The following TENT4A variants were observed in gnomAD, a reference collection of about 807,000 sequenced individuals.
TENT4A encodes DNA polymerase kappa.
Under a neutral mutation model 72.8 loss-of-function variants are expected in TENT4A, and 7 were observed. The observed-to-expected ratio is 0.10, with a 90% CI of 0.05 to 0.18. The LOEUF (loss-of-function observed/expected upper bound fraction) is 0.18. Among genes scored for constraint, TENT4A ranks in the 10% least tolerant of loss-of-function variants. TENT4A has a pLI of 1.00. For synonymous variants in TENT4A, 456 were observed against 434.3 expected (o/e 1.05, Z -0.62); for missense variants, 831 against 1,017.7 (o/e 0.82, Z 2.50).
chr5:6,714,388 C>T lies in TENT4A; in HGVS notation c.405C>T (p.Ser135=). The T allele has an allele frequency of 1.8e-6, 2 of 1,133,558 alleles. No individual in the cohort carries two copies. The highest frequency in any genetic ancestry group is 4.5e-5 in the East Asian group (1 of 22,130). 70.2% of individuals were successfully genotyped at this position (1,133,558 alleles called of 1,614,324 possible). ...GCTGCTCGTCGTCGTCCTCCAGCAG[C>T]GCCTCGCTGGGCCGGCCGGGCGGCG... is the stretch of plus-strand genomic sequence containing the variant. ...SPGCSSSSSS[S]ASLGRPGGGR... is the part of the protein sequence containing the mutation. The change falls in exon 1 of 13, where the codon AGC becomes AGT. Residue 135 remains serine, a synonymous_variant. Transcript: ENST00000230859.
chr5:6,723,047 C>G (rs538801192), intron 1 of TENT4A, among the ~76,000 whole-genome samples: 3 of 131,122 alleles, frequency 2.3e-5, no homozygotes, highest in African/African-American at 8.1e-5. Context: ...ACTTTAGGCT[C>G]TATTTGAAAC....
chr5:6,753,505 A>G (rs938628420), intron 12 of TENT4A, among the ~76,000 whole-genome samples: 3 of 152,254 alleles, frequency 2.0e-5, no homozygotes, highest in Middle Eastern at 3.2e-3. Context: ...GCTGGGCCTC[A>G]GCAGGGCCCT....
At chr5:6,751,431 C>T (rs1270895600) in intron 11 of TENT4A, 6 of 487,732 alleles carry the variant, frequency 1.2e-5, no homozygotes, top group African/African-American at 1.9e-5. Flanking sequence ...TGGCTTTTCA[C>T]GGGGGCCAGG....
At chr5:6,741,095 C>T (rs1741780549) in intron 4 of TENT4A, among the ~76,000 whole-genome samples, 1 of 152,194 alleles carries the variant, frequency 6.6e-6, no homozygotes, top group Non-Finnish European at 1.5e-5. Flanking sequence ...GCGCGGCTGT[C>T]CTGAGGCCAC....
At chr5:6,716,076 G>A (rs1261125394) in intron 1 of TENT4A, among the ~76,000 whole-genome samples, 1 of 152,118 alleles carries the variant, frequency 6.6e-6, no homozygotes, top group African/African-American at 2.4e-5. Flanking sequence ...GAAGACACGT[G>A]GTCTCTGCCA....
rs1055820267 is a variant in TENT4A at position 6,748,598 on chromosome 5, G to A, written c.1586+8G>A. On this transcript the variant is annotated splice_region_variant and intron_variant, in intron 8 of 12. Transcript: ENST00000230859. Reference sequence around the variant, plus strand: ...AAACAGAGACGCCGAAAGGTAATGGGTTGTGTGTCTGCGTCTGGGCTCAGC... The same window carrying A: ...AAACAGAGACGCCGAAAGGTAATGGATTGTGTGTCTGCGTCTGGGCTCAGC... 6.2e-7 allele frequency: 1 copy of A among 1,607,510 alleles called. No individual in the cohort carries two copies. The highest frequency in any genetic ancestry group is 1.7e-5 in the Admixed American group (1 of 59,898).
At position 6,738,702 on chromosome 5, in the gene TENT4A, T is replaced by A. The variant is rs1741636355; in HGVS notation, c.860T>A (p.Phe287Tyr). The A allele has an allele frequency of 6.2e-7, 1 of 1,613,400 alleles. No individual in the cohort carries two copies. The highest frequency in any genetic ancestry group is 1.3e-5 in the African/African-American group (1 of 74,892). The change falls in exon 3 of 13, where the codon TTT becomes TAT. Residue 287 changes from phenylalanine (F) to tyrosine (Y), a missense_variant. Transcript: ENST00000230859. ...PTADVQIFGS[F>Y]STGLYLPTSD... ...TTTCAGGTACAGATATTTGGCAGCT[T>A]TAGTACAGGTCTTTATCTTCCAACT...
chr5:6,726,879 G>C (rs1356174887), intron 1 of TENT4A, among the ~76,000 whole-genome samples: 1 of 152,110 alleles, frequency 6.6e-6, no homozygotes, highest in African/African-American at 2.4e-5. Flanking sequence ...CGGCCTTAGC[G>C]TGGCGGGGGG....
Position 6,753,054 on chromosome 5 carries a change from G to T in TENT4A, c.2184+17G>T. 3.1e-6 allele frequency: 5 copies of T among 1,590,490 alleles called. No homozygotes were observed. The highest frequency in any genetic ancestry group is 4.3e-6 in the Non-Finnish European group (5 of 1,162,772). On this transcript the variant is annotated intron_variant, in intron 12 of 12. Coordinates refer to ENST00000230859, the MANE Select transcript of TENT4A (RefSeq NM_006999.6). The stretch of plus-strand genomic sequence containing the variant: ...TATCATAAGGTATAGCTCTGTCCTG[G>T]TGCATTCACCTACCTGTTCAAGCTG...
At chr5:6,733,582 T>G (rs1355995992) in intron 1 of TENT4A, among the ~76,000 whole-genome samples, 1 of 152,260 alleles carries the variant, frequency 6.6e-6, no homozygotes, top group East Asian at 1.9e-4. Context: ...TAGTGTGGTT[T>G]TTATGCAGAC....
chr5:6,750,333 A>G lies in TENT4A; in HGVS notation c.1690A>G (p.Ser564Gly), dbSNP rs373790135. The G allele has an allele frequency of 6.2e-6, 10 of 1,609,192 alleles. No homozygotes were observed. Among genetic ancestry groups the G allele is most frequent in the Non-Finnish European group, 8.5e-6 (10 of 1,177,948 alleles). The change falls in exon 10 of 13, where the codon AGC (serine) becomes GGC (glycine). Residue 564 changes from serine to glycine, a missense_variant and splice_region_variant. By Grantham distance (56) the Ser-to-Gly change is moderately conservative (BLOSUM62 0). Transcript: ENST00000230859. ...ACCAAGGCTTTTTCCCTCCACAGAC[A>G]GCAGGATCAAGATCAAAGAGCGAAT... ...SKAHPSPGMDSRIKIKERIAT... is the reference protein window; with the variant it reads ...SKAHPSPGMDGRIKIKERIAT...
chr5:6,724,879 G>C (rs940026731), intron 1 of TENT4A, among the ~76,000 whole-genome samples: 1 of 152,186 alleles, frequency 6.6e-6, no homozygotes, highest in African/African-American at 2.4e-5. Context: ...TCCTGGGAGA[G>C]GCTGTTCTCG....
At chr5:6,719,550 T>G (rs1308988414) in intron 1 of TENT4A, among the ~76,000 whole-genome samples, 2 of 152,096 alleles carry the variant, frequency 1.3e-5, no homozygotes, top group Non-Finnish European at 2.9e-5. Flanking sequence ...TGTCAGTGCT[T>G]TGTCTTCTCT....
At chr5:6,746,857 T>C (rs1249625953) in intron 7 of TENT4A, among the ~76,000 whole-genome samples, 1 of 152,186 alleles carries the variant, frequency 6.6e-6, no homozygotes, top group African/African-American at 2.4e-5. Context: ...CGCAAACACG[T>C]TTGTCACTTG....
chr5:6,730,660 T>C (rs1372183540), intron 1 of TENT4A, among the ~76,000 whole-genome samples: 1 of 151,188 alleles, frequency 6.6e-6, no homozygotes, highest in Non-Finnish European at 1.5e-5. Flanking sequence ...TGGGCGGAAC[T>C]GAGGCAGGCA....
chr5:6,730,755 TAA>T (rs5865676), intron 1 of TENT4A, among the ~76,000 whole-genome samples: 51 of 129,986 alleles, frequency 3.9e-4, no homozygotes, highest in Non-Finnish European at 3.8e-4. Flanking sequence ...AGCCTTAATT[TAA>T]AAAAAAAAAA....
chr5:6,749,473 G>A, intron 8 of TENT4A, 84 bp from the exon 9 acceptor site: 2 of 787,510 alleles, frequency 2.5e-6, no homozygotes, highest in South Asian at 3.0e-5. Flanking sequence ...ATCTGTTAGG[G>A]GTATAAGGTA....
intron 1 of TENT4A, among the ~76,000 whole-genome samples, chr5:6,723,630 G>C (rs1010156239): frequency 6.6e-6 from 1 of 152,212 alleles, no homozygotes; most frequent in African/African-American, 2.4e-5. Context: ...GCTAACATGC[G>C]GGGGATGGAA....
intron 1 of TENT4A, among the ~76,000 whole-genome samples, chr5:6,736,935 CTG>C (rs1344974445): frequency 6.6e-6 from 1 of 152,254 alleles, no homozygotes; most frequent in Non-Finnish European, 1.5e-5. Context: ...TCTGCTGAGA[CTG>C]TGGCGGATGA....
Sources: allele counts gnomAD v4.1 joint callset (sites outside exome capture counted in the v4.1 genomes callset), GRCh38; gene constraint gnomAD v4.1.1; transcripts MANE v1.5; gene names NCBI Gene and HGNC (gene_info 2026-07-23, HGNC 2026-07-21).